GRID2: variants seen among roughly 807,000 people sequenced by gnomAD.
GRID2 encodes glutamate receptor ionotropic, delta-2.
A neutral mutation model predicts 114.8 loss-of-function variants in GRID2; 33 were observed. The observed-to-expected ratio is 0.29, with a 90% CI of 0.22 to 0.38. The LOEUF is 0.38. GRID2 is among the 10% of genes least tolerant of loss of function. The pLI, the probability that GRID2 is intolerant of heterozygous loss-of-function variation, is 1.00. For missense variants in GRID2, 1,184 were observed against 1,257.7 expected, an observed-to-expected ratio of 0.94 and a Z score of 0.89; for synonymous variants, 505 against 449.9, an observed-to-expected ratio of 1.12 and a Z score of -1.55.
At chr4:92,764,681 T>C (rs1261910776) in intron 2 of GRID2, among the ~76,000 whole-genome samples, 1 of 152,228 alleles carries the variant, frequency 6.6e-6, no homozygotes, top group Non-Finnish European at 1.5e-5. Context: ...TTAATGTTTA[T>C]CTCTCTTCTA....
intron 2 of GRID2, among the ~76,000 whole-genome samples, chr4:93,059,157 T>C (rs948275452): frequency 1.3e-5 from 2 of 152,112 alleles, no homozygotes; most frequent in Non-Finnish European, 2.9e-5. Context: ...CACTCTTCCA[T>C]TTGATAACAT....
intron 13 of GRID2, among the ~76,000 whole-genome samples, chr4:93,554,848 C>T (rs1578249678): frequency 2.6e-5 from 4 of 152,296 alleles, no homozygotes; most frequent in Admixed American, 2.6e-4. Context: ...CTCTGGTCTT[C>T]AGCTCCCAGC....
At chr4:93,178,380 ATTTTTTTTTTTTTTT>A (rs11428288) in intron 4 of GRID2, among the ~76,000 whole-genome samples, 954 of 50,450 alleles carry the variant, frequency 0.019, 43 homozygotes, top group African/African-American at 0.071. Flanking sequence ...TTGAAAATAG[ATTTTTTTTTTTTTTT>A]TTTTTTTTTT....
intron 8 of GRID2, among the ~76,000 whole-genome samples, chr4:93,243,319 A>G (rs1747763369): frequency 1.3e-5 from 2 of 152,032 alleles, no homozygotes; most frequent in African/African-American, 4.8e-5. Flanking sequence ...ATAGGTATTA[A>G]CCCATATAAT....
chr4:92,717,498 A>T (rs1262996805), intron 2 of GRID2, among the ~76,000 whole-genome samples: 1 of 152,226 alleles, frequency 6.6e-6, no homozygotes, highest in Non-Finnish European at 1.5e-5. Flanking sequence ...TAATATGCTA[A>T]CCCATTTAGT....
At chr4:92,561,524 A>G (rs898067989) in intron 1 of GRID2, among the ~76,000 whole-genome samples, 1 of 152,122 alleles carries the variant, frequency 6.6e-6, no homozygotes, top group Non-Finnish European at 1.5e-5. Flanking sequence ...CAATTGTTTT[A>G]TGCAGTTTAG....
At chr4:93,335,294 C>T (rs1437053060) in intron 8 of GRID2, among the ~76,000 whole-genome samples, 4 of 152,064 alleles carry the variant, frequency 2.6e-5, no homozygotes, top group Non-Finnish European at 5.9e-5. Context: ...GGACTTTTGC[C>T]CATACTGTAG....
chr4:92,962,613 T>A (rs1197878436), intron 2 of GRID2, among the ~76,000 whole-genome samples: 1 of 151,920 alleles, frequency 6.6e-6, no homozygotes, highest in Non-Finnish European at 1.5e-5. Context: ...AAGAAAAGAA[T>A]AGTGTATTTC....
intron 2 of GRID2, among the ~76,000 whole-genome samples, chr4:92,621,376 T>C (rs1016945737): frequency 6.6e-6 from 1 of 151,868 alleles, no homozygotes; most frequent in African/African-American, 2.4e-5. Context: ...TTGGCAACTA[T>C]TTACATTTTG....
Position 93,224,625 on chromosome 4 carries a change from T to G in GRID2, c.975T>G (p.Leu325=). Residue 325 remains leucine (L), a synonymous_variant, in exon 7 of 16, where the codon CTT becomes CTG. Coordinates refer to ENST00000282020, the MANE Select transcript of GRID2 (RefSeq NM_001510.4). ...TAATGTCTTTTCAGATTTCCAACCT[T>G]TACATATATGACACGGTGCTTCTGC... ...PFAQNMEISN[L]YIYDTVLLLA... 6.2e-7 allele frequency: 1 copy of G among 1,608,482 alleles called. No homozygotes were observed. Among genetic ancestry groups the G allele is most frequent in the Non-Finnish European group, 8.5e-7 (1 of 1,175,374 alleles).
At chr4:93,182,011 G>C (rs2149436515) in intron 4 of GRID2, among the ~76,000 whole-genome samples, 1 of 152,210 alleles carries the variant, frequency 6.6e-6, no homozygotes, top group South Asian at 2.1e-4. Flanking sequence ...AATTTCACAA[G>C]TGTTTAAGAA....
chr4:92,313,900 T>C (rs904173959), intron 1 of GRID2, among the ~76,000 whole-genome samples: 2 of 151,956 alleles, frequency 1.3e-5, no homozygotes, highest in South Asian at 2.1e-4. Context: ...AAGAAAGTGG[T>C]AAGGAAGGGG....
intron 2 of GRID2, among the ~76,000 whole-genome samples, chr4:92,777,125 T>G: frequency 6.6e-6 from 1 of 151,730 alleles, no homozygotes. Context: ...AGAGAAGAGA[T>G]TCCCACTTTG....
At chr4:93,591,840 G>A (rs1182272211) in intron 13 of GRID2, among the ~76,000 whole-genome samples, 5 of 152,260 alleles carry the variant, frequency 3.3e-5, no homozygotes, top group African/African-American at 1.2e-4. Context: ...TAGTTTATTT[G>A]CGTAGAGGTG....
At chr4:92,727,941 G>A (rs770954411) in intron 2 of GRID2, among the ~76,000 whole-genome samples, 7 of 152,024 alleles carry the variant, frequency 4.6e-5, no homozygotes, top group East Asian at 1.9e-4. Flanking sequence ...GGGGTTTAGC[G>A]TTTAAATTTA....
chr4:92,849,011 C>G (rs1472756820), intron 2 of GRID2, among the ~76,000 whole-genome samples: 2 of 151,900 alleles, frequency 1.3e-5, no homozygotes, highest in African/African-American at 4.8e-5. Flanking sequence ...CTAAGCCACT[C>G]AGTGTGTATA....
intron 2 of GRID2, among the ~76,000 whole-genome samples, chr4:93,067,613 A>C (rs921116571): frequency 6.6e-6 from 1 of 152,040 alleles, no homozygotes; most frequent in African/African-American, 2.4e-5. Flanking sequence ...GAACACATAC[A>C]TTCAGACCAT....
intron 4 of GRID2, 28 bp downstream of exon 4, chr4:93,110,981 G>A (rs781386861): frequency 2.1e-6 from 3 of 1,402,000 alleles, no homozygotes; most frequent in East Asian, 4.6e-5. Context: ...TGGGGTGAGA[G>A]TTGTACAAAA....
chr4:92,990,442 T>G (rs932879600), intron 2 of GRID2, among the ~76,000 whole-genome samples: 1 of 151,662 alleles, frequency 6.6e-6, no homozygotes, highest in African/African-American at 2.4e-5. Flanking sequence ...CCTGAGTAGC[T>G]GGGATTACAG....
Sources: gnomAD v4.1 joint callset for allele counts (sites outside exome capture counted in the v4.1 genomes callset) on GRCh38, gnomAD v4.1.1 for gene constraint, MANE v1.5 for transcripts, NCBI Gene and HGNC (gene_info 2026-07-23, HGNC 2026-07-21) for gene names.